TMOD2: variants seen among roughly 807,000 people sequenced by gnomAD.
TMOD2 encodes the protein tropomodulin 2.
A neutral mutation model predicts 39.9 loss-of-function variants in TMOD2; 22 were observed. The ratio of observed to expected loss-of-function variants is 0.55; its 90% CI spans 0.39 to 0.79. The LOEUF (loss-of-function observed/expected upper bound fraction) is 0.79. TMOD2 is among the 30% of genes least tolerant of loss of function. TMOD2 has a pLI of 0.00. For synonymous variants in TMOD2, 123 were observed against 146.1 expected (o/e 0.84, Z 1.14); for missense variants, 386 against 413.3 (o/e 0.93, Z 0.57).
intron 3 of TMOD2, among the ~76,000 whole-genome samples, chr15:51,770,600 A>G (rs1595865752): frequency 6.6e-6 from 1 of 152,086 alleles, no homozygotes; most frequent in Non-Finnish European, 1.5e-5. Context: ...TGCCCTCTGT[A>G]TTGTGCACAT....
chr15:51,782,696 A>G (rs537334801), intron 6 of TMOD2, 25 bp from the exon 7 acceptor site: 2 of 1,585,742 alleles, frequency 1.3e-6, no homozygotes, highest in African/African-American at 1.3e-5. Context: ...TGGTTCATCA[A>G]CTAGCCATGT....
At chr15:51,759,074 G>T (rs142900085) in intron 1 of TMOD2, among the ~76,000 whole-genome samples, 4 of 152,230 alleles carry the variant, frequency 2.6e-5, no homozygotes. Context: ...ATGGCGAATG[G>T]ATCAGGAAGG....
At chr15:51,808,295 T>C in intron 9 of TMOD2, 125 bp from the exon 10 acceptor site, 1 of 677,146 alleles carries the variant, frequency 1.5e-6, no homozygotes, top group Non-Finnish European at 2.5e-6. Context: ...GGTTAAGTAT[T>C]AAAATTTAAG....
At chr15:51,765,136 G>A (rs1033786843) in intron 1 of TMOD2, among the ~76,000 whole-genome samples, 3 of 152,132 alleles carry the variant, frequency 2.0e-5, no homozygotes, top group Admixed American at 6.6e-5. Context: ...GACTAGCTGG[G>A]ACTACAGGCA....
chr15:51,813,706 G>T lies in TMOD2; in HGVS notation c.*5252G>T, dbSNP rs568016798. The T allele has an allele frequency of 6.6e-6, 1 of 152,176 alleles. No homozygotes were observed. The highest frequency in any genetic ancestry group is 6.5e-5 in the Admixed American group (1 of 15,278). The allele number at this position is 152,176 out of a possible 1,614,324, so 9.4% of individuals were successfully genotyped here. A position where few individuals can be genotyped will look rare whatever the true frequency, so the allele number is the denominator to read the frequency against. On this transcript the variant is annotated 3_prime_UTR_variant, in exon 10 of 10. Transcript: ENST00000249700. Reference sequence around the variant, plus strand: ...TTAGCTGGGTAACTTTGGGCAAACCGCTTGGTCTCTCAAGCCTAAGGTTCT... The same window carrying T: ...TTAGCTGGGTAACTTTGGGCAAACCTCTTGGTCTCTCAAGCCTAAGGTTCT...
intron 8 of TMOD2, among the ~76,000 whole-genome samples, chr15:51,803,184 T>TTTC (rs1567248485): frequency 1.4e-5 from 2 of 139,728 alleles, no homozygotes; most frequent in Non-Finnish European, 3.1e-5. Context: ...TTTTTTTTTT[T>TTTC]TTTTTTTCTT....
chr15:51,792,458 T>C lies in TMOD2; in HGVS notation c.733-5739T>C, dbSNP rs529114345. ...ACCATTGTGGAAGACAGTGTGGCAA[T>C]TCCTGAAGGATCTAGAACTAGAAAT... is the stretch of plus-strand genomic sequence containing the variant. On this transcript the variant is annotated intron_variant, in intron 7 of 9. Transcript: ENST00000249700. Among the ~76,000 whole-genome samples, 14 of 152,312 alleles carry C rather than the reference T, an allele frequency of 9.2e-5. No homozygotes were observed. The South Asian group carries it at 2.5e-3, about 27-fold the overall frequency.
At chr15:51,764,254 T>C (rs190623139) in intron 1 of TMOD2, among the ~76,000 whole-genome samples, 22 of 152,154 alleles carry the variant, frequency 1.4e-4, no homozygotes, top group African/African-American at 4.8e-4. Flanking sequence ...GAGCTGGAGG[T>C]TGCAGTGAGC....
rs1163675321 is a variant in TMOD2, at chr15:51,812,876, C to G, written c.*4422C>G. On this transcript the variant is annotated 3_prime_UTR_variant, in exon 10 of 10. Coordinates refer to ENST00000249700, the MANE Select transcript of TMOD2 (RefSeq NM_014548.4). ...GCCTTCCACTTGCAGCTTCCCTTTA[C>G]CTCCTCTTATTGCTTTCATCTCAAA... 2.0e-5 allele frequency: 3 copies of G among 152,180 alleles called. No homozygotes were observed. The highest frequency in any genetic ancestry group is 7.2e-5 in the African/African-American group (3 of 41,434). The allele number at this position is 152,180 out of a possible 1,614,324, so 9.4% of individuals were successfully genotyped here. A position where few individuals can be genotyped will look rare whatever the true frequency, so the allele number is the denominator to read the frequency against.
rs1174409219 is a variant in TMOD2, at chr15:51,814,587, C to T, written c.*6133C>T. On this transcript the variant is annotated 3_prime_UTR_variant, in exon 10 of 10. Transcript: ENST00000249700. Reference sequence around the variant, plus strand: ...TGCTTGAATTTAGCTGTCGTCCAGCCCCACAGAGTTATGCTCCATTTGCCA... The same window carrying T: ...TGCTTGAATTTAGCTGTCGTCCAGCTCCACAGAGTTATGCTCCATTTGCCA... The T allele has an allele frequency of 3.9e-5, 6 of 152,188 alleles. No individual in the cohort carries two copies. The highest frequency in any genetic ancestry group is 1.4e-4 in the African/African-American group (6 of 41,436). 9.4% of individuals were successfully genotyped at this position (152,188 alleles called of 1,614,324 possible).
rs905358667 is a variant in TMOD2, at chr15:51,781,024, A to G, written c.494-20A>G. 6.4e-7 allele frequency: 1 copy of G among 1,568,814 alleles called. No homozygotes were observed. The highest frequency in any genetic ancestry group is 8.6e-7 in the Non-Finnish European group (1 of 1,161,828). Reference sequence around the variant, plus strand: ...ATAGGAGAGACTTTGCATTTTTTAAAATGAAAACTTGTGTTTTAGATGTTG... The same window carrying G: ...ATAGGAGAGACTTTGCATTTTTTAAGATGAAAACTTGTGTTTTAGATGTTG... On this transcript the variant is annotated intron_variant, in intron 5 of 9. Transcript: ENST00000249700.
At position 51,773,751 on chromosome 15, in the gene TMOD2, G is replaced by T. The variant is rs114844653; in HGVS notation, c.323G>T (p.Arg108Leu). 259 of 1,612,608 alleles carry T rather than the reference G, an allele frequency of 1.6e-4. 5 individuals carry two copies. The East Asian group carries it at 5.5e-3, about 34-fold the overall frequency. Reference protein sequence around the residue: ...FIPKEKPIETRKEEKVTLDPE... With the variant: ...FIPKEKPIETLKEEKVTLDPE... ...CCTAAAGAAAAGCCTATAGAAACTC[G>T]TAAAGAAGAAAAAGTGACCCTTGAC... Residue 108 changes from arginine to leucine, a missense_variant, in exon 4 of 10, where the codon CGT becomes CTT. Arg to Leu is a moderately radical substitution (Grantham distance 102). Transcript: ENST00000249700.
intron 4 of TMOD2, among the ~76,000 whole-genome samples, chr15:51,774,252 C>T (rs1297608164): frequency 2.0e-5 from 3 of 152,082 alleles, no homozygotes; most frequent in Non-Finnish European, 4.4e-5. Context: ...GTCCATTAGC[C>T]TTCTAGTCTT....
At chr15:51,760,621 A>G (rs2652597) in intron 1 of TMOD2, among the ~76,000 whole-genome samples, 50,432 of 152,110 alleles carry the variant, frequency 0.33, 9,242 homozygotes, top group Non-Finnish European at 0.4. Flanking sequence ...CCTGGGCAAC[A>G]TGGTGAAACC....
intron 7 of TMOD2, among the ~76,000 whole-genome samples, chr15:51,786,583 AAAG>A (rs2055971646): frequency 6.6e-6 from 1 of 152,240 alleles, no homozygotes; most frequent in South Asian, 2.1e-4. Context: ...ACTGAGACTC[AAAG>A]AAGTTGAATG....
chr15:51,794,532 TAGAG>T (rs2056034978), intron 7 of TMOD2, among the ~76,000 whole-genome samples: 1 of 152,000 alleles, frequency 6.6e-6, no homozygotes, highest in South Asian at 2.1e-4. Flanking sequence ...CTGGGCAACA[TAGAG>T]AGACCTGTTT....
At chr15:51,790,667 G>A (rs919838595) in intron 7 of TMOD2, among the ~76,000 whole-genome samples, 2 of 152,138 alleles carry the variant, frequency 1.3e-5, no homozygotes, top group Admixed American at 6.5e-5. Context: ...TGATCAAGTC[G>A]CCTTCATCCC....
At chr15:51,805,826 G>A (rs930549073) in intron 8 of TMOD2, among the ~76,000 whole-genome samples, 142 of 152,106 alleles carry the variant, frequency 9.3e-4, no homozygotes, top group African/African-American at 3.2e-3. Flanking sequence ...AAAAAGTATT[G>A]GAAATGAATA....
chr15:51,754,610 A>G (rs2055729785), intron 1 of TMOD2, among the ~76,000 whole-genome samples: 1 of 152,234 alleles, frequency 6.6e-6, no homozygotes, highest in Non-Finnish European at 1.5e-5. Context: ...ATTTACTTGC[A>G]TGAATGTCTG....
Sources: gnomAD v4.1 joint callset for allele counts (sites outside exome capture counted in the v4.1 genomes callset) on GRCh38, gnomAD v4.1.1 for gene constraint, MANE v1.5 for transcripts, NCBI Gene and HGNC (gene_info 2026-07-23, HGNC 2026-07-21) for gene names.